P3H2: variants seen among roughly 807,000 people sequenced by gnomAD.
The protein encoded by P3H2 is leprecan-like 1.
In P3H2, 80 loss-of-function variants were observed where a neutral mutation model predicts 87.0. That is an observed-to-expected ratio of 0.92 (90% CI 0.77 to 1.11). The LOEUF (loss-of-function observed/expected upper bound fraction) is 1.11. P3H2 is among the 50% of genes least tolerant of loss of function. The pLI, the probability that P3H2 is intolerant of heterozygous loss-of-function variation, is 0.00. For missense variants in P3H2, 1,001 were observed against 923.9 expected (o/e 1.08, Z -1.08); for synonymous variants, 367 against 359.3 (o/e 1.02, Z -0.24).
At chr3:190,057,203 G>A (rs867080332) in intron 1 of P3H2, among the ~76,000 whole-genome samples, 7 of 152,150 alleles carry the variant, frequency 4.6e-5, no homozygotes, top group Non-Finnish European at 7.3e-5. Context: ...TAAGAGTCTT[G>A]TTACTTAAAG....
At chr3:190,093,922 AG>A (rs1727491785) in intron 1 of P3H2, among the ~76,000 whole-genome samples, 1 of 152,226 alleles carries the variant, frequency 6.6e-6, no homozygotes. Flanking sequence ...GAAGTCATTT[AG>A]TTTTCATTTT....
intron 1 of P3H2, among the ~76,000 whole-genome samples, chr3:190,054,508 T>C (rs1726088380): frequency 6.6e-6 from 1 of 152,150 alleles, no homozygotes; most frequent in African/African-American, 2.4e-5. Flanking sequence ...CTAGGATCTT[T>C]ATTTTTTTTT....
rs187692520 is a variant in P3H2, at chr3:189,998,243, C to T, written c.481-2801G>A. The stretch of plus-strand genomic sequence containing the variant: ...AAATTTTCTCTGGGCAATAGCCAGT[C>T]TACAAGCTATGAGTACAACAGATTA... On this transcript the variant is annotated intron_variant, in intron 1 of 14. Transcript: ENST00000319332. Among the ~76,000 whole-genome samples the T allele has an allele frequency of 5.0e-3, 754 of 152,252 alleles. 6 individuals carry two copies. Among genetic ancestry groups the T allele is most frequent in the African/African-American group, 0.018 (735 of 41,544 alleles).
intron 1 of P3H2, among the ~76,000 whole-genome samples, chr3:190,018,824 T>C (rs766967903): frequency 8.5e-5 from 13 of 152,368 alleles, no homozygotes; most frequent in Non-Finnish European, 1.8e-4. Context: ...TATTTATGTA[T>C]GCCCCACTTA....
At chr3:190,008,329 T>C (rs1250723896) in intron 1 of P3H2, among the ~76,000 whole-genome samples, 2 of 152,132 alleles carry the variant, frequency 1.3e-5, no homozygotes, top group South Asian at 2.1e-4. Context: ...AGACCCAAAA[T>C]GTATCTCTCC....
chr3:190,117,966 C>T (rs1712361790), intron 1 of P3H2, among the ~76,000 whole-genome samples: 1 of 152,156 alleles, frequency 6.6e-6, no homozygotes, highest in Non-Finnish European at 1.5e-5. Flanking sequence ...CTGAAATGAA[C>T]ACACGAAGCC....
intron 1 of P3H2, among the ~76,000 whole-genome samples, chr3:190,023,780 C>G (rs1317695547): frequency 6.6e-6 from 1 of 152,108 alleles, no homozygotes; most frequent in Non-Finnish European, 1.5e-5. Context: ...AAGATTAAGT[C>G]CATAGATTGG....
At chr3:190,102,961 CTG>C (rs1397248048) in intron 1 of P3H2, among the ~76,000 whole-genome samples, 1 of 152,216 alleles carries the variant, frequency 6.6e-6, no homozygotes, top group Non-Finnish European at 1.5e-5. Flanking sequence ...AGCAAAAAGA[CTG>C]TATCTTGCTG....
chr3:190,049,030 C>T (rs1441148482), intron 1 of P3H2, among the ~76,000 whole-genome samples: 1 of 152,180 alleles, frequency 6.6e-6, no homozygotes, highest in Middle Eastern at 3.4e-3. Context: ...TCACAGAAGA[C>T]GTGAGTAAGG....
chr3:190,113,896 T>C (rs893757612), intron 1 of P3H2, among the ~76,000 whole-genome samples: 1 of 151,674 alleles, frequency 6.6e-6, no homozygotes, highest in Non-Finnish European at 1.5e-5. Context: ...GCTAACACGG[T>C]GAAACCCCGT....
At chr3:190,083,234 C>T (rs1367479442) in intron 1 of P3H2, among the ~76,000 whole-genome samples, 5 of 152,026 alleles carry the variant, frequency 3.3e-5, no homozygotes, top group African/African-American at 7.2e-5. Context: ...TCTTATTTTA[C>T]GGGAAAGACC....
intron 1 of P3H2, among the ~76,000 whole-genome samples, chr3:190,050,448 G>C (rs1238981924): frequency 6.6e-6 from 1 of 152,138 alleles, no homozygotes; most frequent in East Asian, 1.9e-4. Context: ...GCTTCAAAAT[G>C]ATTACAGAAA....
At chr3:190,067,466 A>T (rs1383931304) in intron 1 of P3H2, among the ~76,000 whole-genome samples, 1 of 152,142 alleles carries the variant, frequency 6.6e-6, no homozygotes, top group Non-Finnish European at 1.5e-5. Flanking sequence ...AAAAACAAAG[A>T]ATTAGTCACT....
At chr3:190,040,557 T>TAA (rs999148694) in intron 1 of P3H2, among the ~76,000 whole-genome samples, 2 of 152,134 alleles carry the variant, frequency 1.3e-5, no homozygotes, top group Admixed American at 1.3e-4. Flanking sequence ...CTAAGGAAGG[T>TAA]AATGCTTTTA....
At chr3:190,088,729 T>C (rs991476312) in intron 1 of P3H2, among the ~76,000 whole-genome samples, 1 of 152,190 alleles carries the variant, frequency 6.6e-6, no homozygotes, top group African/African-American at 2.4e-5. Context: ...TTGTACTTGA[T>C]TTTCTCATTT....
intron 8 of P3H2, 87 bp downstream of exon 8, chr3:189,982,959 G>T (rs547451951): frequency 3.1e-5 from 29 of 937,486 alleles, no homozygotes; most frequent in African/African-American, 2.4e-4. Context: ...TAGAGAAAGT[G>T]GGTTCTTCCT....
chr3:189,994,229 T>C lies in P3H2; in HGVS notation c.688A>G (p.Ile230Val), dbSNP rs779371732. The C allele has an allele frequency of 2.5e-6, 4 of 1,613,756 alleles. No individual in the cohort carries two copies. The highest frequency in any genetic ancestry group is 2.2e-5 in the East Asian group (1 of 44,894). ...CTTAAGGCTTGTTCGAAGTGCCTGA[T>C]AGCCATCTCAAAGTCATCAGCCTCA... The part of the protein sequence containing the change: ...HYEADDFEMA[I>V]RHFEQALREY... Residue 230 changes from isoleucine to valine, a missense_variant, in exon 3 of 15, where the codon ATC (isoleucine) becomes GTC (valine). Coordinates refer to ENST00000319332, the MANE Select transcript of P3H2 (RefSeq NM_018192.4).
At chr3:190,105,377 AAGG>A (rs1438093827) in intron 1 of P3H2, among the ~76,000 whole-genome samples, 2 of 152,180 alleles carry the variant, frequency 1.3e-5, no homozygotes, top group African/African-American at 4.8e-5. Context: ...GAAACTGCAA[AAGG>A]AGATTTTTTG....
chr3:190,109,060 T>C (rs1031231210), intron 1 of P3H2, among the ~76,000 whole-genome samples: 2 of 152,228 alleles, frequency 1.3e-5, no homozygotes, highest in Non-Finnish European at 2.9e-5. Flanking sequence ...TCCCAATTAC[T>C]AATTATACAA....
Sources: allele counts gnomAD v4.1 joint callset (sites outside exome capture counted in the v4.1 genomes callset), GRCh38; gene constraint gnomAD v4.1.1; transcripts MANE v1.5; gene names NCBI Gene and HGNC (gene_info 2026-07-23, HGNC 2026-07-21).